Variants in LOC400499 observed in about 807,000 individuals in gnomAD.
At chr16:11,494,348 TG>T in the LOC400499 span, among the ~76,000 whole-genome samples, 1 of 78,378 alleles carries the variant, frequency 1.3e-5, no homozygotes, top group South Asian at 5.1e-4. Flanking sequence ...TCAGTGGTGT[TG>T]GGGGGCAGTG....
chr16:11,491,125 G>C, the LOC400499 span, among the ~76,000 whole-genome samples: 98 of 152,306 alleles, frequency 6.4e-4, no homozygotes, highest in Non-Finnish European at 1.2e-3. Context: ...GGCTCACAAA[G>C]GTTTACTTAC....
the LOC400499 span, chr16:11,402,379 C>T: frequency 2.1e-5 from 8 of 380,962 alleles, no homozygotes; most frequent in South Asian, 2.9e-4. Context: ...GTGGGAGCCC[C>T]GTTACAATGA....
At chr16:11,485,527 A>T in the LOC400499 span, among the ~76,000 whole-genome samples, 1 of 151,820 alleles carries the variant, frequency 6.6e-6, no homozygotes, top group African/African-American at 2.4e-5. Flanking sequence ...GAATAAATGG[A>T]TCTTTCCTTC....
At chr16:11,456,526 C>A in the LOC400499 span, among the ~76,000 whole-genome samples, 1 of 152,178 alleles carries the variant, frequency 6.6e-6, no homozygotes, top group Non-Finnish European at 1.5e-5. Context: ...TGACACTTGA[C>A]TGGCAAAGGT....
the LOC400499 span, among the ~76,000 whole-genome samples, chr16:11,521,535 G>C: frequency 1.3e-5 from 2 of 152,128 alleles, no homozygotes; most frequent in Non-Finnish European, 2.9e-5. Context: ...TGTCCACAGG[G>C]CAGGCCTTGC....
chr16:11,469,907 C>A, the LOC400499 span, among the ~76,000 whole-genome samples: 1 of 152,136 alleles, frequency 6.6e-6, no homozygotes, highest in African/African-American at 2.4e-5. Flanking sequence ...CCCCTCCCAT[C>A]CTTTTTTGTT....
chr16:11,422,479 A>C, the LOC400499 span, among the ~76,000 whole-genome samples: 2 of 152,218 alleles, frequency 1.3e-5, no homozygotes, highest in Non-Finnish European at 2.9e-5. Context: ...AAGCAAAGGA[A>C]AAGAAAGGAA....
chr16:11,460,029 G>C, the LOC400499 span: 4 of 1,469,014 alleles, frequency 2.7e-6, no homozygotes, highest in Non-Finnish European at 3.6e-6. Context: ...CAGGTGGCCC[G>C]AGTCCTCCTC....
At chr16:11,457,375 C>T in the LOC400499 span, among the ~76,000 whole-genome samples, 5 of 151,832 alleles carry the variant, frequency 3.3e-5, no homozygotes, top group Non-Finnish European at 2.9e-5. Context: ...GGGTGGATCA[C>T]GAGGTCAGGA....
At chr16:11,522,125 GA>G in the LOC400499 span, 3 of 398,836 alleles carry the variant, frequency 7.5e-6, no homozygotes, top group Admixed American at 1.3e-4. Flanking sequence ...GAAGGGCAGA[GA>G]GAGAGACAGC....
the LOC400499 span, among the ~76,000 whole-genome samples, chr16:11,482,814 C>A: frequency 6.6e-6 from 1 of 151,728 alleles, no homozygotes; most frequent in African/African-American, 2.4e-5. Flanking sequence ...ATCACTTGAG[C>A]CCAGCAGGTC....
the LOC400499 span, among the ~76,000 whole-genome samples, chr16:11,450,076 C>A: frequency 1.3e-5 from 2 of 152,102 alleles, no homozygotes; most frequent in African/African-American, 4.8e-5. Flanking sequence ...TCAGAGGGGA[C>A]TGTGCTGCCC....
At chr16:11,525,292 C>CCA in the LOC400499 span, among the ~76,000 whole-genome samples, 1 of 125,028 alleles carries the variant, frequency 8.0e-6, no homozygotes. Flanking sequence ...GACCTTGTCC[C>CCA]AAAAAAAAAA....
the LOC400499 span, chr16:11,384,058 C>T: frequency 1.5e-5 from 18 of 1,231,546 alleles, no homozygotes; most frequent in South Asian, 4.1e-5. Context: ...CATGTGGCTC[C>T]CCCGCGTACA....
chr16:11,502,041 C>G, the LOC400499 span: 2 of 398,918 alleles, frequency 5.0e-6, no homozygotes, highest in Non-Finnish European at 8.8e-6. Context: ...CCCCAGCCAG[C>G]TCCTAGTCCA....
the LOC400499 span, chr16:11,462,126 T>C: frequency 2.7e-6 from 4 of 1,506,546 alleles, no homozygotes; most frequent in East Asian, 1.0e-4. Context: ...CCTGTCACGT[T>C]GGCCTGGTCA....
At chr16:11,384,837 C>T in the LOC400499 span, 1 of 1,230,180 alleles carries the variant, frequency 8.1e-7, no homozygotes, top group Non-Finnish European at 1.0e-6. Flanking sequence ...AGGGGTGCAT[C>T]CCAAAGAGTC....
chr16:11,399,667 C>T, the LOC400499 span: 3 of 398,604 alleles, frequency 7.5e-6, no homozygotes, highest in East Asian at 1.1e-4. Context: ...CGAGGGGGAC[C>T]CCCTCACTCG....
chr16:11,431,964 A>G, the LOC400499 span, among the ~76,000 whole-genome samples: 1 of 152,350 alleles, frequency 6.6e-6, no homozygotes, highest in South Asian at 2.1e-4. Flanking sequence ...ACCTTCTCAC[A>G]TGAATGCTGC....
Sources: allele counts gnomAD v4.1 joint callset (sites outside exome capture counted in the v4.1 genomes callset), GRCh38; gene constraint gnomAD v4.1.1; transcripts MANE v1.5.